Variants in AKAP19 observed in about 807,000 individuals in gnomAD.
The protein encoded by AKAP19 is A-kinase anchoring protein 19, also known as small A-kinase anchoring protein.
the AKAP19 span, among the ~76,000 whole-genome samples, chr2:189,881,162 T>C: frequency 3.3e-5 from 5 of 152,196 alleles, no homozygotes; most frequent in South Asian, 2.1e-4. Context: ...GATTGTCACC[T>C]TTCTCCCTTT....
the AKAP19 span, among the ~76,000 whole-genome samples, chr2:190,104,716 G>A: frequency 2.0e-5 from 3 of 152,186 alleles, no homozygotes; most frequent in South Asian, 6.2e-4. Flanking sequence ...CTTGAACCTG[G>A]GAGGTTGAGG....
the AKAP19 span, chr2:189,923,187 C>T: frequency 1.5e-4 from 105 of 697,276 alleles, no homozygotes; most frequent in Admixed American, 2.3e-4. Context: ...TGTGAAGAGA[C>T]GAAGACTGAG....
chr2:190,151,982 C>T, the AKAP19 span, among the ~76,000 whole-genome samples: 2 of 149,212 alleles, frequency 1.3e-5, no homozygotes, highest in Admixed American at 6.7e-5. Context: ...CAGAGCGAGA[C>T]TCTGTCTCAA....
At chr2:190,170,970 ACT>A in the AKAP19 span, among the ~76,000 whole-genome samples, 1 of 152,046 alleles carries the variant, frequency 6.6e-6, no homozygotes, top group Admixed American at 6.6e-5. Flanking sequence ...TGAGCTAACC[ACT>A]CTCTTGGGAA....
chr2:189,925,896 A>G, the AKAP19 span, among the ~76,000 whole-genome samples: 1 of 152,246 alleles, frequency 6.6e-6, no homozygotes, highest in Admixed American at 6.5e-5. Flanking sequence ...TGTATTATCA[A>G]ATGTTATCAA....
At chr2:189,921,744 A>G in the AKAP19 span, among the ~76,000 whole-genome samples, 2 of 152,198 alleles carry the variant, frequency 1.3e-5, no homozygotes, top group African/African-American at 2.4e-5. Flanking sequence ...AAAGAGTAAG[A>G]TCATCAGAAT....
the AKAP19 span, among the ~76,000 whole-genome samples, chr2:189,934,294 T>A: frequency 2.0e-5 from 3 of 152,078 alleles, no homozygotes; most frequent in Admixed American, 2.0e-4. Flanking sequence ...TCTGAACACA[T>A]TTCCATTTAC....
chr2:189,989,161 T>TA, the AKAP19 span, among the ~76,000 whole-genome samples: 3 of 152,190 alleles, frequency 2.0e-5, no homozygotes, highest in African/African-American at 4.8e-5. Flanking sequence ...AGGGCTAAGA[T>TA]AGTGTCTAAG....
chr2:190,129,685 C>A, the AKAP19 span, among the ~76,000 whole-genome samples: 1 of 151,806 alleles, frequency 6.6e-6, no homozygotes, highest in Non-Finnish European at 1.5e-5. Context: ...AGCAAGTAAC[C>A]AAACCAGACA....
the AKAP19 span, among the ~76,000 whole-genome samples, chr2:190,193,403 A>C: frequency 1.3e-5 from 2 of 152,242 alleles, no homozygotes; most frequent in African/African-American, 4.8e-5. Flanking sequence ...TCTTGGTAAT[A>C]CTGGCCTCAT....
At chr2:189,916,018 A>T in the AKAP19 span, among the ~76,000 whole-genome samples, 1 of 152,196 alleles carries the variant, frequency 6.6e-6, no homozygotes, top group Non-Finnish European at 1.5e-5. Flanking sequence ...ATCACTTTAT[A>T]GTGTGTAGCA....
At chr2:190,124,290 C>A in the AKAP19 span, among the ~76,000 whole-genome samples, 1 of 152,182 alleles carries the variant, frequency 6.6e-6, no homozygotes, top group African/African-American at 2.4e-5. Context: ...GCTTTGCAAA[C>A]ATGAGAGATT....
chr2:190,137,290 T>A, the AKAP19 span, among the ~76,000 whole-genome samples: 1 of 152,198 alleles, frequency 6.6e-6, no homozygotes, highest in South Asian at 2.1e-4. Context: ...TTTGTGTCCT[T>A]TATATAGTTC....
At chr2:190,180,840 C>G in the AKAP19 span, 1 of 985,230 alleles carries the variant, frequency 1.0e-6, no homozygotes, top group African/African-American at 1.7e-5. The surrounding 1 kb of genome is among the most constrained non-coding windows in gnomAD (Gnocchi z 6.8). Context: ...GCCCGGGCGC[C>G]GCCGAAGGAC....
the AKAP19 span, among the ~76,000 whole-genome samples, chr2:190,076,608 TG>T: frequency 0.15 from 23,147 of 152,144 alleles, 4,895 homozygotes; most frequent in African/African-American, 0.47. Context: ...AGATATTATT[TG>T]TATTTCAGAT....
chr2:190,003,794 G>A, the AKAP19 span, among the ~76,000 whole-genome samples: 145 of 152,170 alleles, frequency 9.5e-4, no homozygotes, highest in African/African-American at 3.3e-3. Flanking sequence ...TTGAACCTGG[G>A]AGGCAGAGGT....
At chr2:190,052,883 A>G in the AKAP19 span, among the ~76,000 whole-genome samples, 7 of 152,188 alleles carry the variant, frequency 4.6e-5, no homozygotes, top group Non-Finnish European at 8.8e-5. Flanking sequence ...AGAATCTGGT[A>G]TTATGTTTTA....
At chr2:190,125,875 A>G in the AKAP19 span, among the ~76,000 whole-genome samples, 2 of 152,190 alleles carry the variant, frequency 1.3e-5, no homozygotes, top group Non-Finnish European at 2.9e-5. Context: ...TCAAGATATT[A>G]CTTATATAAA....
the AKAP19 span, among the ~76,000 whole-genome samples, chr2:190,009,279 G>A: frequency 3.0e-3 from 464 of 152,272 alleles, 4 homozygotes; most frequent in Admixed American, 7.3e-3. Context: ...TCTGTATAGG[G>A]AATAGATTCC....
Sources: allele counts gnomAD v4.1 joint callset (sites outside exome capture counted in the v4.1 genomes callset), GRCh38; gene constraint gnomAD v4.1.1; non-coding constraint Gnocchi (gnomAD v3.1); transcripts MANE v1.5; gene names NCBI Gene and HGNC (gene_info 2026-07-23, HGNC 2026-07-21).